ANKRD33B: variants seen among roughly 807,000 people sequenced by gnomAD.
The protein encoded by ANKRD33B is ankyrin repeat domain-containing protein 33B.
In ANKRD33B, 6 loss-of-function variants were observed where a neutral mutation model predicts 21.5. The ratio of observed to expected loss-of-function variants is 0.28; its 90% CI spans 0.15 to 0.55. ANKRD33B has a LOEUF of 0.55. Ranked by LOEUF, ANKRD33B falls within the 20% of genes least tolerant of loss-of-function variation. ANKRD33B has a pLI of 0.94. For synonymous variants in ANKRD33B, 347 were observed against 342.4 expected, an observed-to-expected ratio of 1.01 and a Z score of -0.15; for missense variants, 698 against 747.2, an observed-to-expected ratio of 0.93 and a Z score of 0.77.
intron 3 of ANKRD33B, among the ~76,000 whole-genome samples, chr5:10,644,621 G>A (rs75672934): frequency 0.16 from 24,541 of 152,224 alleles, 2,306 homozygotes; most frequent in South Asian, 0.31. Flanking sequence ...GGGTCAGAGG[G>A]TTGCTCTTGT....
At chr5:10,594,367 G>A (rs765803436) in intron 1 of ANKRD33B, among the ~76,000 whole-genome samples, 1 of 151,702 alleles carries the variant, frequency 6.6e-6, no homozygotes, top group Non-Finnish European at 1.5e-5. Context: ...ACAGGCATGC[G>A]CCACCACGCC....
At chr5:10,591,362 T>G (rs992392026) in intron 1 of ANKRD33B, among the ~76,000 whole-genome samples, 4 of 152,064 alleles carry the variant, frequency 2.6e-5, no homozygotes, top group Admixed American at 2.6e-4. Context: ...CTGGCTAATT[T>G]TTTTTGTACT....
At chr5:10,607,295 C>T (rs983815007) in intron 1 of ANKRD33B, among the ~76,000 whole-genome samples, 8 of 152,222 alleles carry the variant, frequency 5.3e-5, no homozygotes, top group African/African-American at 1.7e-4. Flanking sequence ...GGGCAGGGCT[C>T]TGCTCTCTCT....
Position 10,657,156 on chromosome 5 carries a change from G to A in ANKRD33B, c.*7043G>A, listed in dbSNP as rs1157954228. ...ATACACCTGATGAAAACCGCAAAAG[G>A]CGATGACAGGCCCAGAAATATGACC... On this transcript the variant is annotated 3_prime_UTR_variant, in exon 4 of 4. Coordinates refer to ENST00000296657, the MANE Select transcript of ANKRD33B (RefSeq NM_001164440.2). 5 of 152,338 alleles carry A rather than the reference G, an allele frequency of 3.3e-5. No individual in the cohort carries two copies. The highest frequency in any genetic ancestry group is 1.2e-4 in the African/African-American group (5 of 41,434). 9.4% of individuals were successfully genotyped at this position (152,338 alleles called of 1,614,324 possible). A position where few individuals can be genotyped will look rare whatever the true frequency, so the allele number is the denominator to read the frequency against.
intron 1 of ANKRD33B, among the ~76,000 whole-genome samples, chr5:10,569,989 G>A (rs374874898): frequency 3.7e-4 from 56 of 152,306 alleles, no homozygotes; most frequent in African/African-American, 1.3e-3. Flanking sequence ...CGATTCTCCC[G>A]ACTCAGCCTC....
chr5:10,620,012 G>A (rs527781832), intron 2 of ANKRD33B, among the ~76,000 whole-genome samples: 3 of 152,162 alleles, frequency 2.0e-5, no homozygotes, highest in Non-Finnish European at 4.4e-5. Context: ...GGACAGTGTA[G>A]GTGGGCATGG....
chr5:10,619,876 G>A lies in ANKRD33B; in HGVS notation c.496+1414G>A, dbSNP rs372505379. 3.9e-5 allele frequency among the ~76,000 whole-genome samples: 6 copies of A among 152,272 alleles called. No homozygotes were observed. Among genetic ancestry groups the A allele is most frequent in the South Asian group, 4.1e-4 (2 of 4,828 alleles). On this transcript the variant is annotated intron_variant, in intron 2 of 3. Coordinates refer to ENST00000296657, the MANE Select transcript of ANKRD33B (RefSeq NM_001164440.2). This position sits in a 1 kb window ranked among gnomAD's most constrained non-coding sequence, Gnocchi z 4.5. The stretch of plus-strand genomic sequence containing the variant: ...CGAAGCCCAGCACCATCTGTCTGCC[G>A]GAGCTTGGTGCTGTGGGATGAGAAC...
intron 2 of ANKRD33B, among the ~76,000 whole-genome samples, chr5:10,625,572 C>T (rs1312614703): frequency 6.6e-6 from 1 of 152,212 alleles, no homozygotes; most frequent in Non-Finnish European, 1.5e-5. Flanking sequence ...GGATGTGTGG[C>T]TCATGCCCGG....
chr5:10,640,900 G>T (rs147852550), intron 3 of ANKRD33B, among the ~76,000 whole-genome samples: 1 of 152,206 alleles, frequency 6.6e-6, no homozygotes, highest in East Asian at 1.9e-4. Flanking sequence ...CATGGCAGAG[G>T]GGACACCGAG....
chr5:10,647,560 G>A (rs1245159465), intron 3 of ANKRD33B, among the ~76,000 whole-genome samples: 2 of 152,178 alleles, frequency 1.3e-5, no homozygotes, highest in Non-Finnish European at 2.9e-5. Context: ...TGGGGGCAGT[G>A]GGTGGACTGG....
chr5:10,650,098 GA>G lies in ANKRD33B; in HGVS notation c.1472del (p.Lys491ArgfsTer85). The G allele has an allele frequency of 6.6e-7, 1 of 1,523,852 alleles. No homozygotes were observed. Among genetic ancestry groups the G allele is most frequent in the Non-Finnish European group, 8.8e-7 (1 of 1,139,918 alleles). 94.4% of individuals were successfully genotyped at this position (1,523,852 alleles called of 1,614,324 possible). A position where few individuals can be genotyped will look rare whatever the true frequency, so the allele number is the denominator to read the frequency against. ...AGAAGGAGAGGCGCACTGCGCCCTGGAAGAAGAGGACGTGAGGGCCCGTGTG... is the reference window on the plus strand; with the variant it reads ...AGAAGGAGAGGCGCACTGCGCCCTGGAGAAGAGGACGTGAGGGCCCGTGTG... The part of the protein sequence containing the change: ...AQKERRTAPW[K>X]KRT On this transcript the variant is annotated frameshift_variant, in exon 4 of 4. Coordinates refer to ENST00000296657, the MANE Select transcript of ANKRD33B (RefSeq NM_001164440.2). LOFTEE classifies it high-confidence loss of function.
At chr5:10,570,689 T>G (rs1359492197) in intron 1 of ANKRD33B, among the ~76,000 whole-genome samples, 1 of 152,158 alleles carries the variant, frequency 6.6e-6, no homozygotes, top group Non-Finnish European at 1.5e-5. Context: ...TCTGAGTAGC[T>G]GGGACTATAG....
Position 10,565,140 on chromosome 5 carries a change from C to T in ANKRD33B, c.366+307C>T, listed in dbSNP as rs181233455. Among the ~76,000 whole-genome samples the T allele has an allele frequency of 4.5e-3, 683 of 152,344 alleles. 10 individuals carry two copies. The highest frequency in any genetic ancestry group is 0.015 in the African/African-American group (640 of 41,586). On this transcript the variant is annotated intron_variant, in intron 1 of 3. Transcript: ENST00000296657. Reference sequence around the variant, plus strand: ...CCCGTGGACCTCCTGACTGAATTCGCGCTGGCTGCCCGTGCTGCAATCCAG... The same window carrying T: ...CCCGTGGACCTCCTGACTGAATTCGTGCTGGCTGCCCGTGCTGCAATCCAG...
chr5:10,571,892 C>CTTTTTTT (rs11433872), intron 1 of ANKRD33B, among the ~76,000 whole-genome samples: 158 of 144,286 alleles, frequency 1.1e-3, no homozygotes, highest in African/African-American at 3.7e-3. Context: ...TTTCTTTTTT[C>CTTTTTTT]TTTTTTTTTT....
At position 10,654,602 on chromosome 5, in the gene ANKRD33B, A is replaced by G. The variant is rs1163525266; in HGVS notation, c.*4489A>G. The G allele has an allele frequency of 3.3e-5, 5 of 152,490 alleles. No individual in the cohort carries two copies. The highest frequency in any genetic ancestry group is 1.2e-4 in the African/African-American group (5 of 41,466). The allele number at this position is 152,490 out of a possible 1,614,324, so 9.4% of individuals were successfully genotyped here. A position where few individuals can be genotyped will look rare whatever the true frequency, so the allele number is the denominator to read the frequency against. ...ATTGGAGATGGGGGACTCTGGTGGCAGAAATGGCTTTGGGGTAGGTGTGAA... is the reference window on the plus strand; with the variant it reads ...ATTGGAGATGGGGGACTCTGGTGGCGGAAATGGCTTTGGGGTAGGTGTGAA... On this transcript the variant is annotated 3_prime_UTR_variant, in exon 4 of 4. Coordinates refer to ENST00000296657, the MANE Select transcript of ANKRD33B (RefSeq NM_001164440.2).
chr5:10,607,313 C>T (rs1203956583), intron 1 of ANKRD33B, among the ~76,000 whole-genome samples: 1 of 152,352 alleles, frequency 6.6e-6, no homozygotes, highest in East Asian at 1.9e-4. Flanking sequence ...TCTGCCCTCA[C>T]TCCGGAGGCC....
intron 1 of ANKRD33B, among the ~76,000 whole-genome samples, chr5:10,567,529 G>A (rs1439059238): frequency 3.3e-5 from 5 of 152,184 alleles, no homozygotes; most frequent in African/African-American, 1.2e-4. Flanking sequence ...CGGTCTCCCC[G>A]ACGGCAGTGT....
At chr5:10,612,930 C>T (rs16884992) in intron 1 of ANKRD33B, among the ~76,000 whole-genome samples, 13,337 of 152,246 alleles carry the variant, frequency 0.088, 1,930 homozygotes, top group African/African-American at 0.3. Flanking sequence ...ACATCTCCCC[C>T]GACCTATTGC....
chr5:10,588,454 C>G (rs1735614567), intron 1 of ANKRD33B, among the ~76,000 whole-genome samples: 1 of 152,100 alleles, frequency 6.6e-6, no homozygotes, highest in Non-Finnish European at 1.5e-5. Context: ...TGTACAGAAA[C>G]CTACTGACTC....
Sources: gnomAD v4.1 joint callset for allele counts (sites outside exome capture counted in the v4.1 genomes callset) on GRCh38, gnomAD v4.1.1 for gene constraint, Gnocchi (gnomAD v3.1) non-coding constraint, MANE v1.5 for transcripts, NCBI Gene and HGNC (gene_info 2026-07-23, HGNC 2026-07-21) for gene names.